Variants in RHOBTB1 observed in about 807,000 individuals in gnomAD.
RHOBTB1 encodes rho-related BTB domain-containing protein 1.
RHOBTB1 carries 40 observed loss-of-function variants against 71.6 expected under a neutral mutation model. The ratio of observed to expected loss-of-function variants is 0.56; its 90% CI spans 0.43 to 0.73. The LOEUF (loss-of-function observed/expected upper bound fraction) is 0.73, where lower values mean the gene tolerates loss of function less well. Among genes scored for constraint, RHOBTB1 ranks in the 30% least tolerant of loss-of-function variants. RHOBTB1 has a pLI of 0.00. For missense variants in RHOBTB1, 797 were observed against 894.0 expected (o/e 0.89, Z 1.38); for synonymous variants, 319 against 334.9 (o/e 0.95, Z 0.52).
intron 9 of RHOBTB1, among the ~76,000 whole-genome samples, chr10:60,873,794 A>G (rs1331219202): frequency 6.6e-6 from 1 of 152,220 alleles, no homozygotes; most frequent in Non-Finnish European, 1.5e-5. Flanking sequence ...TTGGATTTTA[A>G]TAATTTGTGT....
intron 2 of RHOBTB1, among the ~76,000 whole-genome samples, chr10:60,985,236 G>T (rs1275296669): frequency 6.6e-6 from 1 of 151,980 alleles, no homozygotes; most frequent in Non-Finnish European, 1.5e-5. Context: ...GGACAAAGGA[G>T]AGTAAACTGT....
rs1331075697 is a variant in RHOBTB1 at position 60,893,008 on chromosome 10, C to A, written c.297-13G>T. On this transcript the variant is annotated splice_polypyrimidine_tract_variant and intron_variant, in intron 4 of 10. Transcript: ENST00000337910. ...CACAACATCAGACCTAAAAGGAAAT[C>A]ATAAAAGAAGCTTGTATTGCCTTTT... 1.2e-6 allele frequency: 2 copies of A among 1,600,504 alleles called. No individual in the cohort carries two copies. Among genetic ancestry groups the A allele is most frequent in the African/African-American group, 1.4e-5 (1 of 73,964 alleles).
chr10:60,917,800 C>T (rs1423773923), intron 2 of RHOBTB1, among the ~76,000 whole-genome samples: 1 of 152,154 alleles, frequency 6.6e-6, no homozygotes, highest in Non-Finnish European at 1.5e-5. Context: ...TTCTTACCAA[C>T]CCTCCTCCAT....
At chr10:60,886,557 C>T (rs891997441) in intron 6 of RHOBTB1, among the ~76,000 whole-genome samples, 1 of 152,142 alleles carries the variant, frequency 6.6e-6, no homozygotes, top group African/African-American at 2.4e-5. Flanking sequence ...ATGATGACCA[C>T]TCATTTATCC....
At chr10:60,984,913 G>A (rs950670616) in intron 2 of RHOBTB1, among the ~76,000 whole-genome samples, 4 of 152,126 alleles carry the variant, frequency 2.6e-5, no homozygotes, top group Non-Finnish European at 4.4e-5. Context: ...CAATCTATAT[G>A]CTAATAACAA....
rs1471014241 is a variant in RHOBTB1 at position 60,874,992 on chromosome 10, T to C, written c.1777A>G (p.Ile593Val). ...LTKAATSGVGIDGEVLSYLEL... is the reference protein window; with the variant it reads ...LTKAATSGVGVDGEVLSYLEL... ...AAGTAAGAGAGCACTTCTCCGTCAA[T>C]GCCCACGCCACTCGTGGCGGCTTTG... Residue 593 changes from isoleucine to valine, a missense_variant, in exon 9 of 11, where the codon ATT becomes GTT. Physicochemically the swap from Ile to Val is conservative, Grantham distance 29 (BLOSUM62 3). Coordinates refer to ENST00000337910, the MANE Select transcript of RHOBTB1 (RefSeq NM_014836.5). 1 of 1,614,140 alleles carries C rather than the reference T, an allele frequency of 6.2e-7. No homozygotes were observed. The highest frequency in any genetic ancestry group is 8.5e-7 in the Non-Finnish European group (1 of 1,179,976).
intron 2 of RHOBTB1, among the ~76,000 whole-genome samples, chr10:60,929,882 A>AT (rs2084132136): frequency 6.6e-6 from 1 of 152,154 alleles, no homozygotes; most frequent in South Asian, 2.1e-4. Context: ...AATATCCCAC[A>AT]TTTTTTAAAC....
chr10:60,986,411 A>ATATATATAT (rs1554860039), intron 1 of RHOBTB1, among the ~76,000 whole-genome samples: 3 of 137,898 alleles, frequency 2.2e-5, no homozygotes, highest in East Asian at 4.1e-4. Flanking sequence ...AAAGATATAT[A>ATATATATAT]TATATATATA....
chr10:60,878,322 T>C lies in RHOBTB1; in HGVS notation c.1576-264A>G, dbSNP rs2081144071. Among the ~76,000 whole-genome samples the C allele has an allele frequency of 2.0e-5, 3 of 152,282 alleles. No homozygotes were observed. The Middle Eastern group carries it at 0.01, about 518-fold the overall frequency. On this transcript the variant is annotated intron_variant, in intron 7 of 10. Transcript: ENST00000337910. Reference sequence around the variant, plus strand: ...TATTTGGACTTCTAAATCAGACAAATGGACTGGAAATGTATGATGACATTA... The same window carrying C: ...TATTTGGACTTCTAAATCAGACAAACGGACTGGAAATGTATGATGACATTA...
At chr10:60,996,566 G>A (rs2087058643) in intron 1 of RHOBTB1, among the ~76,000 whole-genome samples, 1 of 152,124 alleles carries the variant, frequency 6.6e-6, no homozygotes. Context: ...AGCTTCGGCA[G>A]CCTGGAACCC....
rs139949606 is a variant in RHOBTB1, at chr10:60,917,110, T to C, written c.-10-5558A>G. Among the ~76,000 whole-genome samples, 57 of 152,304 alleles carry C rather than the reference T, an allele frequency of 3.7e-4. No individual in the cohort carries two copies. In the East Asian group the frequency reaches 0.011, roughly 28 times the overall value. On this transcript the variant is annotated intron_variant, in intron 2 of 10. Transcript: ENST00000337910. The stretch of plus-strand genomic sequence containing the variant: ...TTTGATTTTCAGAACTATAAGAAAA[T>C]AAACTTTGTTTTATGCTACTAAGTT...
chr10:60,875,032 G>A lies in RHOBTB1; in HGVS notation c.1737C>T (p.Ala579=), dbSNP rs773169595. Residue 579 remains alanine (A), a synonymous_variant, in exon 9 of 11, where the codon GCC becomes GCT. Coordinates refer to ENST00000337910, the MANE Select transcript of RHOBTB1 (RefSeq NM_014836.5). ...PHLVALAEQH[A]VQELTKAATS... is the part of the protein sequence containing the mutation. ...TGGCGGCTTTGGTCAACTCCTGAACGGCATGCTGTTCTGGGGAAGAGAGAG... is the reference window on the plus strand; with the variant it reads ...TGGCGGCTTTGGTCAACTCCTGAACAGCATGCTGTTCTGGGGAAGAGAGAG... The A allele has an allele frequency of 4.3e-6, 7 of 1,613,052 alleles. No homozygotes were observed. In the African/African-American group the frequency reaches 5.3e-5, roughly 12 times the overall value.
At chr10:60,865,466 A>C (rs1046387355), downstream of RHOBTB1, among the ~76,000 whole-genome samples, 1 of 152,218 alleles carries the variant, frequency 6.6e-6, no homozygotes, top group African/African-American at 2.4e-5. Flanking sequence ...ACGCAGAAAA[A>C]CAGGCATCTT....
At chr10:60,861,150 C>A in the RHOBTB1 span, among the ~76,000 whole-genome samples, 2 of 152,206 alleles carry the variant, frequency 1.3e-5, no homozygotes, top group African/African-American at 4.8e-5. Context: ...TACCTCCCTG[C>A]AAAATAGGGT....
At chr10:60,982,943 A>C (rs755815399) in intron 2 of RHOBTB1, among the ~76,000 whole-genome samples, 1 of 152,156 alleles carries the variant, frequency 6.6e-6, no homozygotes, top group Non-Finnish European at 1.5e-5. Flanking sequence ...AAGGCGGTGC[A>C]CATGACATAA....
At chr10:60,887,556 G>A (rs940758440) in intron 6 of RHOBTB1, among the ~76,000 whole-genome samples, 4 of 152,220 alleles carry the variant, frequency 2.6e-5, no homozygotes, top group Admixed American at 2.0e-4. Flanking sequence ...AGGGTGCTGC[G>A]GGCAGCATAT....
chr10:60,957,670 A>G (rs879248391), intron 2 of RHOBTB1, among the ~76,000 whole-genome samples: 1 of 151,530 alleles, frequency 6.6e-6, no homozygotes, highest in African/African-American at 2.4e-5. Flanking sequence ...TGGTAAAAGA[A>G]AAAAAAAAGG....
intron 7 of RHOBTB1, among the ~76,000 whole-genome samples, chr10:60,880,049 G>C (rs2081245151): frequency 6.6e-6 from 1 of 152,118 alleles, no homozygotes; most frequent in Non-Finnish European, 1.5e-5. Flanking sequence ...AAAGTATACA[G>C]GAGGATGTGC....
In RHOBTB1 at chr10:60,880,177, C is replaced by CTCTGTGTGTGTGTGTGTGTGTG. The variant is rs370670323; in HGVS notation, c.1576-2120_1576-2119insCACACACACACACACACACAGA. Among the ~76,000 whole-genome samples the CTCTGTGTGTGTGTGTGTGTGTG allele has an allele frequency of 1.8e-3, 177 of 100,600 alleles. 3 individuals carry two copies. The highest frequency in any genetic ancestry group is 5.2e-3 in the Middle Eastern group (1 of 192). The allele number at this position is 100,600 out of a possible 152,430, so 66.0% of individuals were successfully genotyped here. ...GTCCCTCACAGATACTGAGGGATGA[C>CTCTGTGTGTGTGTGTGTGTGTG]TGTGTGTGTGTGTGTGTGTGTGTGT... On this transcript the variant is annotated intron_variant, in intron 7 of 10. Coordinates refer to ENST00000337910, the MANE Select transcript of RHOBTB1 (RefSeq NM_014836.5).
Sources: gnomAD v4.1 joint callset for allele counts (sites outside exome capture counted in the v4.1 genomes callset) on GRCh38, gnomAD v4.1.1 for gene constraint, MANE v1.5 for transcripts, NCBI Gene and HGNC (gene_info 2026-07-23, HGNC 2026-07-21) for gene names.